The following RECQL5 variants were observed in gnomAD, a reference collection of about 807,000 sequenced individuals.
The protein encoded by RECQL5 is ATP-dependent DNA helicase Q5.
A neutral mutation model predicts 103.4 loss-of-function variants in RECQL5; 88 were observed. That is an observed-to-expected ratio of 0.85 (90% CI 0.72 to 1.02). The LOEUF (loss-of-function observed/expected upper bound fraction) is 1.02, where lower values mean the gene tolerates loss of function less well. Ranked by LOEUF, RECQL5 falls within the 50% of genes least tolerant of loss-of-function variation. The pLI is 0.00. For synonymous variants in RECQL5, 552 were observed against 507.9 expected, an observed-to-expected ratio of 1.09 and a Z score of -1.17; for missense variants, 1,232 against 1,284.3, an observed-to-expected ratio of 0.96 and a Z score of 0.62.
chr17:75,648,169 T>C (rs2059511215), intron 8 of RECQL5, among the ~76,000 whole-genome samples: 2 of 152,010 alleles, frequency 1.3e-5, no homozygotes, highest in African/African-American at 2.4e-5. Flanking sequence ...CACAGGGCCT[T>C]TGCACATGCT....
At chr17:75,628,802 G>A (rs779894133) in intron 16 of RECQL5, 40 bp from the exon 17 acceptor site, 2 of 1,604,756 alleles carry the variant, frequency 1.2e-6, no homozygotes, top group Non-Finnish European at 1.7e-6. Context: ...ACTGGGTCCT[G>A]GTGGCTCCCT....
At chr17:75,656,492 T>C (rs2059622107) in intron 7 of RECQL5, among the ~76,000 whole-genome samples, 1 of 151,966 alleles carries the variant, frequency 6.6e-6, no homozygotes, top group Non-Finnish European at 1.5e-5. Flanking sequence ...TATTTCTAGG[T>C]ATTTATGGTA....
intron 7 of RECQL5, among the ~76,000 whole-genome samples, chr17:75,654,802 T>A (rs1023356663): frequency 4.6e-5 from 7 of 151,938 alleles, no homozygotes; most frequent in African/African-American, 1.7e-4. Context: ...TTTATTATTA[T>A]TAGTTTTTGA....
chr17:75,630,851 G>C lies in RECQL5; in HGVS notation c.1586-14C>G, dbSNP rs763076036. On this transcript the variant is annotated splice_polypyrimidine_tract_variant and intron_variant, in intron 11 of 19. Coordinates refer to ENST00000317905, the MANE Select transcript of RECQL5 (RefSeq NM_004259.7). Reference sequence around the variant, plus strand: ...GACAGTTCTCATCTGTGGGGGGGGGGGGTGGTCCTTGGTCCTTTCGCTCCA... The same window carrying C: ...GACAGTTCTCATCTGTGGGGGGGGGCGGTGGTCCTTGGTCCTTTCGCTCCA... 3.0e-5 allele frequency: 44 copies of C among 1,448,118 alleles called. No individual in the cohort carries two copies. The highest frequency in any genetic ancestry group is 4.2e-5 in the Admixed American group (2 of 47,238). 89.7% of individuals were successfully genotyped at this position (1,448,118 alleles called of 1,614,324 possible).
At chr17:75,656,025 T>A (rs1373685072) in intron 7 of RECQL5, among the ~76,000 whole-genome samples, 1 of 152,062 alleles carries the variant, frequency 6.6e-6, no homozygotes, top group Admixed American at 6.6e-5. Flanking sequence ...TTTCTTCATC[T>A]AAATCAGTGG....
At chr17:75,653,978 G>C (rs1259158442) in intron 7 of RECQL5, among the ~76,000 whole-genome samples, 1 of 151,582 alleles carries the variant, frequency 6.6e-6, no homozygotes, top group Non-Finnish European at 1.5e-5. Flanking sequence ...CATCTATTGA[G>C]TTTCTGCTTT....
chr17:75,654,495 G>C (rs1387245973), intron 7 of RECQL5, among the ~76,000 whole-genome samples: 1 of 152,184 alleles, frequency 6.6e-6, no homozygotes, highest in African/African-American at 2.4e-5. Flanking sequence ...CTCTACAATG[G>C]AGAACATCCT....
At chr17:75,651,413 G>A in intron 7 of RECQL5, 148 bp from the exon 8 acceptor site, 1 of 875,032 alleles carries the variant, frequency 1.1e-6, no homozygotes, top group East Asian at 2.5e-5. Flanking sequence ...TTTGAGGTCA[G>A]GAGTTCGAGA....
At chr17:75,631,927 C>T (rs2059224058) in intron 8 of RECQL5, among the ~76,000 whole-genome samples, 1 of 152,232 alleles carries the variant, frequency 6.6e-6, no homozygotes, top group Non-Finnish European at 1.5e-5. Flanking sequence ...ATGTGAACCC[C>T]ACTCTGTCCA....
chr17:75,666,357 G>A, intron 2 of RECQL5, 71 bp downstream of exon 2: 3 of 1,548,908 alleles, frequency 1.9e-6, no homozygotes, highest in Non-Finnish European at 2.7e-6. Context: ...AGGGTGAGGA[G>A]GAGGGTGTTC....
chr17:75,645,887 T>C (rs1263442995), intron 8 of RECQL5, among the ~76,000 whole-genome samples: 2 of 152,092 alleles, frequency 1.3e-5, no homozygotes, highest in African/African-American at 4.8e-5. Flanking sequence ...TCCTAGATCT[T>C]TACCAGCTGG....
At chr17:75,657,426 T>C (rs1376137045) in intron 7 of RECQL5, among the ~76,000 whole-genome samples, 1 of 151,994 alleles carries the variant, frequency 6.6e-6, no homozygotes, top group Non-Finnish European at 1.5e-5. Context: ...AGTACTGATC[T>C]TGACCACATA....
Position 75,629,816 on chromosome 17 carries a change from C to T in RECQL5, c.1839G>A (p.Lys613=), listed in dbSNP as rs2059172508. 2 of 1,612,576 alleles carry T rather than the reference C, an allele frequency of 1.2e-6. No individual in the cohort carries two copies. Among genetic ancestry groups the T allele is most frequent in the Non-Finnish European group, 1.7e-6 (2 of 1,179,316 alleles). ...CTCCCATGTCATAGGGCTGCCCATC[C>T]TTGGAGGCTCTGTGGATATCGGCCA... is the stretch of plus-strand genomic sequence containing the variant. The part of the protein sequence containing the change: ...KKVADIHRAS[K]DGQPYDMGGS... Residue 613 remains lysine (K), a synonymous_variant, in exon 15 of 20, where the codon AAG becomes AAA. Coordinates refer to ENST00000317905, the MANE Select transcript of RECQL5 (RefSeq NM_004259.7).
At chr17:75,635,764 A>G (rs1379653383) in intron 8 of RECQL5, 17 of 983,656 alleles carry the variant, frequency 1.7e-5, no homozygotes, top group Non-Finnish European at 1.8e-5. Flanking sequence ...ACAACAGGGC[A>G]GAGCAAGCAG....
rs2148349279 is a variant in RECQL5 at position 75,665,153 on chromosome 17, C to A, written c.150G>T (p.Val50=). 2 of 1,610,324 alleles carry A rather than the reference C, an allele frequency of 1.2e-6. No homozygotes were observed. Among genetic ancestry groups the A allele is most frequent in the Non-Finnish European group, 1.7e-6 (2 of 1,178,810 alleles). Reference sequence around the variant, plus strand: ...ATTTTCCTGCCCCTGTGGGCATGCACACAAAGACGTCCTTGTTACCTGAAA... The same window carrying A: ...ATTTTCCTGCCCCTGTGGGCATGCAAACAAAGACGTCCTTGTTACCTGAAA... ...AVVKGNKDVF[V]CMPTGAGKSL... The change falls in exon 3 of 20, where the codon GTG becomes GTT. Residue 50 remains valine (V), a synonymous_variant. Transcript: ENST00000317905.
chr17:75,640,928 G>A lies in RECQL5; in HGVS notation c.1230-9260C>T. 5 of 1,537,856 alleles carry A rather than the reference G, an allele frequency of 3.3e-6. No homozygotes were observed. Among genetic ancestry groups the A allele is most frequent in the African/African-American group, 1.4e-5 (1 of 73,134 alleles). On this transcript the variant is annotated intron_variant, in intron 8 of 19. Transcript: ENST00000317905. The surrounding 1 kb of genome is among the most constrained non-coding windows in gnomAD (Gnocchi z 4.6). Reference sequence around the variant, plus strand: ...GGGCGATGGCTGAGGAGAAGCTGGAGAGGAGATGGCCAATGCCATGACACA... The same window carrying A: ...GGGCGATGGCTGAGGAGAAGCTGGAAAGGAGATGGCCAATGCCATGACACA...
chr17:75,653,586 G>A (rs2059581225), intron 7 of RECQL5, among the ~76,000 whole-genome samples: 1 of 152,058 alleles, frequency 6.6e-6, no homozygotes, highest in South Asian at 2.1e-4. Context: ...AAAATACTGT[G>A]AATTATTTAA....
Position 75,662,459 on chromosome 17 carries a change from C to A in RECQL5, c.771+20G>T. ...CCCCACTGCTCTAACAGCTGCTTGG[C>A]CTCCACCTCAATGCCTCACCCCTTT... On this transcript the variant is annotated intron_variant, in intron 4 of 19. Coordinates refer to ENST00000317905, the MANE Select transcript of RECQL5 (RefSeq NM_004259.7). 6.2e-7 allele frequency: 1 copy of A among 1,606,016 alleles called. No homozygotes were observed. Among genetic ancestry groups the A allele is most frequent in the Non-Finnish European group, 8.5e-7 (1 of 1,174,884 alleles).
chr17:75,657,721 G>A (rs1273714735), intron 7 of RECQL5, among the ~76,000 whole-genome samples: 1 of 150,206 alleles, frequency 6.7e-6, no homozygotes, highest in Non-Finnish European at 1.5e-5. Context: ...ACTTTAGCCT[G>A]GGTGACAGTG....
Sources: gnomAD v4.1 joint callset for allele counts (sites outside exome capture counted in the v4.1 genomes callset) on GRCh38, gnomAD v4.1.1 for gene constraint, Gnocchi (gnomAD v3.1) non-coding constraint, MANE v1.5 for transcripts, NCBI Gene and HGNC (gene_info 2026-07-23, HGNC 2026-07-21) for gene names.